The following ITPA variants were observed in gnomAD, a reference collection of about 807,000 sequenced individuals.
ITPA encodes inosine triphosphate pyrophosphatase.
Under a neutral mutation model 29.6 loss-of-function variants are expected in ITPA, and 29 were observed. The ratio of observed to expected loss-of-function variants is 0.98; its 90% CI spans 0.73 to 1.34. The LOEUF is 1.34. Ranked by LOEUF, ITPA falls within the 40% of genes most tolerant of loss-of-function variation. ITPA has a pLI of 0.00. For synonymous variants in ITPA, 103 were observed against 99.3 expected (o/e 1.04, Z -0.22); for missense variants, 241 against 251.5 (o/e 0.96, Z 0.28).
chr20:3,218,428 C>T, intron 5 of ITPA, 89 bp from the exon 6 acceptor site: 1 of 936,290 alleles, frequency 1.1e-6, no homozygotes, highest in Non-Finnish European at 1.7e-6. Context: ...TTAGGGAATT[C>T]CTCCCTCCCC....
intron 4 of ITPA, among the ~76,000 whole-genome samples, chr20:3,214,516 G>A (rs921963225): frequency 4.0e-5 from 6 of 151,046 alleles, no homozygotes; most frequent in South Asian, 2.1e-4. Context: ...ACAGGTGTGC[G>A]TCACCACACC....
At chr20:3,206,913 C>CTGAGGTGGG (rs1382364968), upstream of ITPA, among the ~76,000 whole-genome samples, 1 of 151,880 alleles carries the variant, frequency 6.6e-6, no homozygotes, top group Admixed American at 6.6e-5. Flanking sequence ...ACTCAGGAGG[C>CTGAGGTGGG]TGAGGTGGGA....
At chr20:3,206,428 C>T (rs1382034627), upstream of ITPA, among the ~76,000 whole-genome samples, 5 of 146,624 alleles carry the variant, frequency 3.4e-5, no homozygotes, top group African/African-American at 1.3e-4. Flanking sequence ...CACCGTGGCT[C>T]ACGCCTACAA....
At chr20:3,206,155 G>C (rs2067069041), upstream of ITPA, among the ~76,000 whole-genome samples, 1 of 151,966 alleles carries the variant, frequency 6.6e-6, no homozygotes, top group South Asian at 2.1e-4. Flanking sequence ...TTGGGAGGCT[G>C]AGGTGGGTGG....
intron 6 of ITPA, 99 bp downstream of exon 6, chr20:3,218,731 C>T (rs2067380435): frequency 9.9e-6 from 8 of 809,682 alleles, no homozygotes; most frequent in South Asian, 1.4e-5. Flanking sequence ...GTGGGAGGGG[C>T]GCCTTGGGGC....
intron 6 of ITPA, 118 bp downstream of exon 6, chr20:3,218,750 T>C (rs776420863): frequency 4.8e-5 from 36 of 749,488 alleles, no homozygotes; most frequent in African/African-American, 8.6e-5. Flanking sequence ...GCCAGAGATA[T>C]CTGTGCCTTG....
chr20:3,218,038 C>T (rs1376762347), intron 5 of ITPA, among the ~76,000 whole-genome samples: 4 of 152,108 alleles, frequency 2.6e-5, no homozygotes, highest in African/African-American at 9.7e-5. Flanking sequence ...CTGCCTCAGC[C>T]TCCCGAGCAG....
intron 4 of ITPA, 83 bp from the exon 5 acceptor site, chr20:3,215,198 C>A: frequency 7.2e-7 from 1 of 1,390,728 alleles, no homozygotes; most frequent in Non-Finnish European, 1.0e-6. Context: ...TTCCCCTTGG[C>A]TGTCAATAGG....
downstream of ITPA, among the ~76,000 whole-genome samples, chr20:3,225,279 T>G (rs1364356387): frequency 6.6e-6 from 1 of 152,064 alleles, no homozygotes; most frequent in African/African-American, 2.4e-5. Flanking sequence ...AACTCCACAC[T>G]GATGTCTTTT....
downstream of ITPA, among the ~76,000 whole-genome samples, chr20:3,225,214 CAT>C (rs905938363): frequency 3.5e-4 from 53 of 152,200 alleles, no homozygotes; most frequent in Non-Finnish European, 2.5e-4. Flanking sequence ...TTAAAAAAAA[CAT>C]GTGTATTTGG....
intron 6 of ITPA, among the ~76,000 whole-genome samples, chr20:3,220,445 G>A (rs893279851): frequency 5.9e-5 from 9 of 152,040 alleles, no homozygotes; most frequent in African/African-American, 2.2e-4. Context: ...CCTTAGTCAC[G>A]CAGCTCCTCA....
chr20:3,207,822 C>T (rs1262654062), upstream of ITPA, among the ~76,000 whole-genome samples: 1 of 151,692 alleles, frequency 6.6e-6, no homozygotes, highest in African/African-American at 2.4e-5. Flanking sequence ...TGGTGAAACC[C>T]CGTCTCTACT....
chr20:3,222,050 A>AG, intron 7 of ITPA, 133 bp downstream of exon 7: 2 of 861,228 alleles, frequency 2.3e-6, no homozygotes, highest in Non-Finnish European at 3.8e-6. Context: ...TTCCAGCCAC[A>AG]GGCAGCTCTG....
At chr20:3,204,676 C>T (rs374410072), upstream of ITPA, 20 of 1,522,036 alleles carry the variant, frequency 1.3e-5, no homozygotes, top group East Asian at 4.9e-4. Context: ...AGGCCGGGAT[C>T]TCATAGGCCC....
upstream of ITPA, among the ~76,000 whole-genome samples, chr20:3,206,055 C>CA (rs537649838): frequency 0.052 from 3,053 of 58,476 alleles, 82 homozygotes; most frequent in African/African-American, 0.12. Context: ...GACTCTGTCT[C>CA]AAAAAAAAAA....
In ITPA at chr20:3,223,531, G is replaced by T; in HGVS notation, c.*69G>T. 3 of 1,196,570 alleles carry T rather than the reference G, an allele frequency of 2.5e-6. No homozygotes were observed. Among genetic ancestry groups the T allele is most frequent in the Non-Finnish European group, 2.4e-6 (2 of 823,816 alleles). The allele number at this position is 1,196,570 out of a possible 1,614,324, so 74.1% of individuals were successfully genotyped here. A position where few individuals can be genotyped will look rare whatever the true frequency, so the allele number is the denominator to read the frequency against. On this transcript the variant is annotated 3_prime_UTR_variant, in exon 8 of 8. Coordinates refer to ENST00000380113, the MANE Select transcript of ITPA (RefSeq NM_033453.4). ...GGGCTAGCCCAAAACCTCCCGCATC[G>T]GGCAGGCACCCCCTGAAGTACTTCC... is the stretch of plus-strand genomic sequence containing the variant.
upstream of ITPA, chr20:3,209,008 G>A (rs1380888076): frequency 5.6e-6 from 1 of 179,632 alleles, no homozygotes; most frequent in African/African-American, 2.4e-5. This position sits in a 1 kb window ranked among gnomAD's most constrained non-coding sequence, Gnocchi z 4.6. Context: ...TACATACTGA[G>A]CTCTCAAGCC....
intron 5 of ITPA, among the ~76,000 whole-genome samples, chr20:3,216,409 C>T (rs1051360810): frequency 1.6e-4 from 24 of 150,406 alleles, no homozygotes; most frequent in Admixed American, 4.6e-4. Flanking sequence ...CTGCCTGCCT[C>T]GGCCTCCCAA....
chr20:3,219,526 C>T (rs1182823638), intron 6 of ITPA, among the ~76,000 whole-genome samples: 2 of 151,884 alleles, frequency 1.3e-5, no homozygotes, highest in African/African-American at 4.8e-5. Context: ...GGGCGGATCA[C>T]CTGAGGTCAG....
Sources: gnomAD v4.1 joint callset for allele counts (sites outside exome capture counted in the v4.1 genomes callset) on GRCh38, gnomAD v4.1.1 for gene constraint, Gnocchi (gnomAD v3.1) non-coding constraint, MANE v1.5 for transcripts, NCBI Gene and HGNC (gene_info 2026-07-23, HGNC 2026-07-21) for gene names.